Variants in PDE1A observed in about 807,000 individuals in gnomAD.
PDE1A encodes the protein dual specificity calcium/calmodulin-dependent 3',5'-cyclic nucleotide phosphodiesterase 1A.
PDE1A carries 35 observed loss-of-function variants against 61.7 expected under a neutral mutation model. That is an observed-to-expected ratio of 0.57 (90% CI 0.43 to 0.75). The LOEUF is 0.75. Among genes scored for constraint, PDE1A ranks in the 30% least tolerant of loss-of-function variants. The probability of loss-of-function intolerance (pLI) is 0.00; values close to 1 mark genes in which losing one functional copy is unlikely to be tolerated. For synonymous variants in PDE1A, 232 were observed against 213.2 expected (o/e 1.09, Z -0.77); for missense variants, 597 against 630.6 (o/e 0.95, Z 0.57).
At chr2:182,597,758 C>T in the PDE1A span, among the ~76,000 whole-genome samples, 74 of 152,308 alleles carry the variant, frequency 4.9e-4, 1 homozygote, top group Admixed American at 2.7e-3. Context: ...GGGAAAATGA[C>T]GCAACCTTCA....
At chr2:182,706,741 A>G in the PDE1A span, among the ~76,000 whole-genome samples, 2 of 152,224 alleles carry the variant, frequency 1.3e-5, no homozygotes, top group African/African-American at 2.4e-5. Flanking sequence ...GACCAATTAC[A>G]TGCTAGAAAT....
At chr2:182,182,835 C>T (rs1465890889) in intron 13 of PDE1A, among the ~76,000 whole-genome samples, 2 of 151,908 alleles carry the variant, frequency 1.3e-5, no homozygotes, top group Admixed American at 6.6e-5. Flanking sequence ...CTCTTTCTAA[C>T]CTCCATTGTG....
intron 2 of PDE1A, among the ~76,000 whole-genome samples, chr2:182,254,865 T>A (rs912021414): frequency 1.3e-5 from 2 of 152,182 alleles, no homozygotes; most frequent in Non-Finnish European, 2.9e-5. Flanking sequence ...TTCTTAAGCG[T>A]ATGACTTAAA....
At chr2:182,196,098 A>C (rs1247355412) in intron 10 of PDE1A, among the ~76,000 whole-genome samples, 1 of 152,074 alleles carries the variant, frequency 6.6e-6, no homozygotes, top group Admixed American at 6.6e-5. Flanking sequence ...TTTCAGTTTA[A>C]GTTTCACAAA....
At chr2:182,544,245 A>G in the PDE1A span, among the ~76,000 whole-genome samples, 119 of 152,302 alleles carry the variant, frequency 7.8e-4, 1 homozygote, top group African/African-American at 2.5e-3. Flanking sequence ...TACTGAAATT[A>G]AAGCAGGGCA....
At chr2:182,389,939 G>T (rs1287105428) in intron 1 of PDE1A, among the ~76,000 whole-genome samples, 1 of 152,148 alleles carries the variant, frequency 6.6e-6, no homozygotes, top group Non-Finnish European at 1.5e-5. Context: ...TGGACGCTTG[G>T]ACTTACACGG....
chr2:182,362,149 TA>T (rs1468397916), intron 1 of PDE1A, among the ~76,000 whole-genome samples: 1 of 152,044 alleles, frequency 6.6e-6, no homozygotes, highest in Non-Finnish European at 1.5e-5. Context: ...ACTTTCTTCA[TA>T]ATAATATGAA....
chr2:182,589,854 C>T, the PDE1A span, among the ~76,000 whole-genome samples: 1 of 152,190 alleles, frequency 6.6e-6, no homozygotes, highest in East Asian at 1.9e-4. Flanking sequence ...TTAACATACC[C>T]ACCTAGAGTT....
the PDE1A span, among the ~76,000 whole-genome samples, chr2:182,703,989 T>C: frequency 6.6e-6 from 1 of 151,378 alleles, no homozygotes; most frequent in Non-Finnish European, 1.5e-5. Flanking sequence ...TTACCTTAGG[T>C]TAGGAGTTCG....
At chr2:182,615,805 G>A in the PDE1A span, among the ~76,000 whole-genome samples, 2 of 152,028 alleles carry the variant, frequency 1.3e-5, no homozygotes, top group African/African-American at 2.4e-5. Context: ...GAAGGAGAGG[G>A]AGAAGGAAGA....
intron 1 of PDE1A, among the ~76,000 whole-genome samples, chr2:182,406,071 T>A (rs1360431155): frequency 2.6e-5 from 4 of 152,124 alleles, no homozygotes; most frequent in Admixed American, 6.5e-5. Context: ...CTATCATTTA[T>A]CAAATGCTTA....
At chr2:182,330,847 C>T (rs1248036154) in intron 1 of PDE1A, among the ~76,000 whole-genome samples, 1 of 152,176 alleles carries the variant, frequency 6.6e-6, no homozygotes, top group African/African-American at 2.4e-5. Context: ...CTCTCCCACA[C>T]AGTCCTTTAC....
At chr2:182,265,998 G>C (rs1022695203) in intron 1 of PDE1A, among the ~76,000 whole-genome samples, 13 of 151,988 alleles carry the variant, frequency 8.6e-5, no homozygotes, top group Non-Finnish European at 1.9e-4. Context: ...GGCAAGTTAA[G>C]AATTTCAGCA....
chr2:182,492,738 T>G (rs1688468389), intron 2 of PDE1A, among the ~76,000 whole-genome samples: 1 of 152,210 alleles, frequency 6.6e-6, no homozygotes, highest in Admixed American at 6.5e-5. Context: ...CATGAGCTTT[T>G]GTGAACAATA....
intron 10 of PDE1A, among the ~76,000 whole-genome samples, chr2:182,196,750 T>G (rs1161304223): frequency 6.6e-6 from 1 of 151,052 alleles, no homozygotes; most frequent in African/African-American, 2.4e-5. Context: ...TTTGTATCAT[T>G]AGTCTATTTT....
At position 182,244,110 on chromosome 2, in the gene PDE1A, G is replaced by A. The variant is rs1409381774; in HGVS notation, c.168-3818C>T. Among the ~76,000 whole-genome samples, 18 of 152,116 alleles carry A rather than the reference G, an allele frequency of 1.2e-4. No homozygotes were observed. In the South Asian group the frequency reaches 1.5e-3, roughly 12 times the overall value. ...TCGAACTCCCGACCTCAGGTGATCC[G>A]CCCGCCTTGGCCTCCCAAAGTGCTG... On this transcript the variant is annotated intron_variant, in intron 2 of 13. Transcript: ENST00000351439.
At chr2:182,174,551 C>G (rs1405999454) in intron 13 of PDE1A, among the ~76,000 whole-genome samples, 1 of 151,986 alleles carries the variant, frequency 6.6e-6, no homozygotes, top group Non-Finnish European at 1.5e-5. Context: ...CTGCATTACA[C>G]ACTGAACAAA....
the PDE1A span, among the ~76,000 whole-genome samples, chr2:182,570,597 A>G: frequency 2.0e-5 from 3 of 152,218 alleles, no homozygotes; most frequent in Admixed American, 6.5e-5. Flanking sequence ...GCATACACCA[A>G]TAAAAGAAAG....
At chr2:182,539,644 T>A in the PDE1A span, among the ~76,000 whole-genome samples, 1 of 152,256 alleles carries the variant, frequency 6.6e-6, no homozygotes, top group East Asian at 1.9e-4. Flanking sequence ...AAGTCTTCAT[T>A]TTGCCAGGAA....
Sources: allele counts gnomAD v4.1 joint callset (sites outside exome capture counted in the v4.1 genomes callset), GRCh38; gene constraint gnomAD v4.1.1; transcripts MANE v1.5; gene names NCBI Gene and HGNC (gene_info 2026-07-23, HGNC 2026-07-21).